The following ANKS1B variants were observed in gnomAD, a reference collection of about 807,000 sequenced individuals.
ANKS1B encodes the protein ankyrin repeat and sterile alpha motif domain containing 1B, also known as ankyrin repeat and sterile alpha motif domain-containing protein 1B.
ANKS1B carries 36 observed loss-of-function variants against 148.3 expected under a neutral mutation model. That is an observed-to-expected ratio of 0.24 (90% CI 0.19 to 0.32). The LOEUF is 0.32. Ranked by LOEUF, ANKS1B falls within the 10% of genes least tolerant of loss-of-function variation. The pLI is 1.00. For missense variants in ANKS1B, 1,157 were observed against 1,542.6 expected, an observed-to-expected ratio of 0.75 and a Z score of 4.19; for synonymous variants, 542 against 560.8, an observed-to-expected ratio of 0.97 and a Z score of 0.47.
chr12:99,383,827 A>G (rs2093742837), intron 12 of ANKS1B, among the ~76,000 whole-genome samples: 1 of 145,070 alleles, frequency 6.9e-6, no homozygotes, highest in Non-Finnish European at 1.5e-5. Flanking sequence ...AGCCTAGGCA[A>G]TGTGGTGAAA....
At chr12:98,758,313 G>A (rs986802624) in intron 25 of ANKS1B, among the ~76,000 whole-genome samples, 1 of 152,110 alleles carries the variant, frequency 6.6e-6, no homozygotes, top group African/African-American at 2.4e-5. Flanking sequence ...GAATCCAGTT[G>A]TTCTTTCTGA....
chr12:99,237,211 G>T (rs1379827594), intron 14 of ANKS1B, among the ~76,000 whole-genome samples: 2 of 152,030 alleles, frequency 1.3e-5, no homozygotes, highest in Non-Finnish European at 2.9e-5. Context: ...TTTGTTTGGG[G>T]TGTGTTCCTG....
At chr12:99,626,461 A>G (rs1182265443) in intron 9 of ANKS1B, among the ~76,000 whole-genome samples, 1 of 152,170 alleles carries the variant, frequency 6.6e-6, no homozygotes, top group Non-Finnish European at 1.5e-5. Context: ...ACCAAGGATT[A>G]CAAATGCAGC....
intron 1 of ANKS1B, among the ~76,000 whole-genome samples, chr12:99,859,999 A>G (rs1011529585): frequency 2.6e-5 from 4 of 152,204 alleles, no homozygotes; most frequent in African/African-American, 7.2e-5. Flanking sequence ...GAAATTCTCA[A>G]GAATTACTAC....
At chr12:98,922,699 A>C (rs578090197) in intron 17 of ANKS1B, among the ~76,000 whole-genome samples, 1 of 152,084 alleles carries the variant, frequency 6.6e-6, no homozygotes, top group East Asian at 1.9e-4. Flanking sequence ...GGGTTTCACC[A>C]TGTTGGCCAG....
chr12:99,031,246 T>G (rs2099951943), intron 17 of ANKS1B, among the ~76,000 whole-genome samples: 1 of 152,232 alleles, frequency 6.6e-6, no homozygotes, highest in Non-Finnish European at 1.5e-5. Context: ...AATTAGTTCT[T>G]TCTCCTTAGT....
chr12:99,887,045 T>C (rs376924532), intron 1 of ANKS1B, among the ~76,000 whole-genome samples: 38 of 152,326 alleles, frequency 2.5e-4, no homozygotes, highest in Middle Eastern at 3.4e-3. Flanking sequence ...CAACCTGGCC[T>C]TGTAGAAATG....
intron 12 of ANKS1B, among the ~76,000 whole-genome samples, chr12:99,292,276 A>G (rs1166556387): frequency 6.6e-6 from 1 of 151,942 alleles, no homozygotes; most frequent in African/African-American, 2.4e-5. Flanking sequence ...GCAGATCACG[A>G]GGTCAAGAGA....
intron 17 of ANKS1B, among the ~76,000 whole-genome samples, chr12:98,987,348 A>G (rs1598067451): frequency 6.6e-6 from 1 of 152,176 alleles, no homozygotes; most frequent in East Asian, 1.9e-4. Context: ...ATTCAGGAAC[A>G]TATATTTCTA....
chr12:99,444,016 C>G (rs1338378821), intron 10 of ANKS1B, among the ~76,000 whole-genome samples: 1 of 151,806 alleles, frequency 6.6e-6, no homozygotes, highest in Non-Finnish European at 1.5e-5. Flanking sequence ...AACTATCACC[C>G]CCTGGAATGT....
At chr12:99,176,056 C>T (rs1177795425) in intron 14 of ANKS1B, among the ~76,000 whole-genome samples, 1 of 151,988 alleles carries the variant, frequency 6.6e-6, no homozygotes, top group Non-Finnish European at 1.5e-5. Context: ...ACCATGTTGG[C>T]CAGGCTGGTT....
intron 12 of ANKS1B, among the ~76,000 whole-genome samples, chr12:99,360,150 G>C (rs2092354992): frequency 6.6e-6 from 1 of 152,058 alleles, no homozygotes. Context: ...TTAACTGACT[G>C]GCAGCAAAAT....
chr12:99,518,954 A>G (rs1052089670), intron 9 of ANKS1B, among the ~76,000 whole-genome samples: 3 of 151,980 alleles, frequency 2.0e-5, no homozygotes, highest in African/African-American at 4.8e-5. Flanking sequence ...GAAATTTTTC[A>G]ATTTCCTTCT....
intron 1 of ANKS1B, among the ~76,000 whole-genome samples, chr12:99,836,321 C>T (rs1421005175): frequency 6.6e-6 from 1 of 151,704 alleles, no homozygotes; most frequent in Non-Finnish European, 1.5e-5. Flanking sequence ...AGATATCTTG[C>T]CTTTGGAGCA....
intron 12 of ANKS1B, among the ~76,000 whole-genome samples, chr12:99,371,055 A>G (rs895485250): frequency 6.6e-6 from 1 of 151,746 alleles, no homozygotes; most frequent in Non-Finnish European, 1.5e-5. Flanking sequence ...CCCTCAAATC[A>G]TGGGACAGTT....
At chr12:99,537,249 C>A (rs990442011) in intron 9 of ANKS1B, among the ~76,000 whole-genome samples, 2 of 152,048 alleles carry the variant, frequency 1.3e-5, no homozygotes, top group African/African-American at 4.8e-5. Context: ...CTTCAACATA[C>A]TGATTTCCTT....
At chr12:99,322,718 A>G (rs1435831603) in intron 12 of ANKS1B, among the ~76,000 whole-genome samples, 1 of 152,074 alleles carries the variant, frequency 6.6e-6, no homozygotes, top group Non-Finnish European at 1.5e-5. Flanking sequence ...GCCTTTCTTC[A>G]GTGATATGGT....
chr12:99,361,538 C>G (rs2092460490), intron 12 of ANKS1B, among the ~76,000 whole-genome samples: 1 of 152,024 alleles, frequency 6.6e-6, no homozygotes, highest in Non-Finnish European at 1.5e-5. Context: ...GTCTCTAAAG[C>G]TATTTCTCAG....
chr12:99,648,034 A>T (rs1006508574), intron 9 of ANKS1B: 17 of 1,176,500 alleles, frequency 1.4e-5, no homozygotes, highest in Non-Finnish European at 1.9e-5. Context: ...GTTCTCAGTC[A>T]CTTGGGGACA....
Sources: allele counts gnomAD v4.1 joint callset (sites outside exome capture counted in the v4.1 genomes callset), GRCh38; gene constraint gnomAD v4.1.1; transcripts MANE v1.5; gene names NCBI Gene and HGNC (gene_info 2026-07-23, HGNC 2026-07-21).